The following ROBO2 variants were observed in gnomAD, a reference collection of about 807,000 sequenced individuals.
The protein encoded by ROBO2 is roundabout guidance receptor 2.
A neutral mutation model predicts 160.8 loss-of-function variants in ROBO2; 53 were observed. That is an observed-to-expected ratio of 0.33 (90% CI 0.26 to 0.41). The LOEUF is 0.41. Ranked by LOEUF, ROBO2 falls within the 10% of genes least tolerant of loss-of-function variation. The pLI, the probability that ROBO2 is intolerant of heterozygous loss-of-function variation, is 1.00. For synonymous variants in ROBO2, 664 were observed against 611.7 expected (o/e 1.09, Z -1.26); for missense variants, 1,577 against 1,722.4 (o/e 0.92, Z 1.49).
intron 2 of ROBO2, among the ~76,000 whole-genome samples, chr3:77,188,420 T>A (rs926354978): frequency 1.3e-5 from 2 of 151,760 alleles, no homozygotes; most frequent in African/African-American, 4.8e-5. Flanking sequence ...TGGAAAAAAA[T>A]TCTGACACCT....
At chr3:76,312,071 CA>C (rs2071626466) in intron 2 of ROBO2, among the ~76,000 whole-genome samples, 1 of 152,092 alleles carries the variant, frequency 6.6e-6, no homozygotes, top group Non-Finnish European at 1.5e-5. Context: ...CCCCGAATGC[CA>C]TTTGTTTATA....
intron 2 of ROBO2, among the ~76,000 whole-genome samples, chr3:77,438,070 C>G (rs1427855422): frequency 6.6e-6 from 1 of 151,898 alleles, no homozygotes. Flanking sequence ...CTTTCCCCTT[C>G]TCTTTGGCAT....
chr3:77,579,985 C>T (rs766731510), exon 16 of ROBO2: 11 of 1,613,780 alleles, frequency 6.8e-6, no homozygotes, highest in Non-Finnish European at 9.3e-6. Context: ...TCCATATCAA[C>T]AAAACTGTGG....
At chr3:77,488,661 A>AT (rs912254659) in intron 4 of ROBO2, among the ~76,000 whole-genome samples, 6 of 151,934 alleles carry the variant, frequency 3.9e-5, no homozygotes, top group Admixed American at 2.6e-4. Flanking sequence ...CTAGCTTTTC[A>AT]TTTTTTTGGA....
At chr3:77,276,726 A>G (rs2059852543) in intron 2 of ROBO2, among the ~76,000 whole-genome samples, 1 of 152,200 alleles carries the variant, frequency 6.6e-6, no homozygotes, top group Non-Finnish European at 1.5e-5. Context: ...CACGTGGCTA[A>G]TAAAAACATA....
At chr3:76,806,410 G>C (rs749018685) in intron 2 of ROBO2, among the ~76,000 whole-genome samples, 1 of 151,926 alleles carries the variant, frequency 6.6e-6, no homozygotes, top group Non-Finnish European at 1.5e-5. Flanking sequence ...CAGTGAGGTA[G>C]ATTGTATGAC....
intron 2 of ROBO2, among the ~76,000 whole-genome samples, chr3:77,288,768 C>T (rs189236950): frequency 2.6e-4 from 40 of 152,056 alleles, no homozygotes; most frequent in Admixed American, 2.2e-3. Context: ...AAAAAGGAGA[C>T]GAGACCCTAC....
chr3:77,324,760 C>A (rs971174105), intron 2 of ROBO2, among the ~76,000 whole-genome samples: 1 of 134,164 alleles, frequency 7.5e-6, no homozygotes, highest in Non-Finnish European at 1.5e-5. Context: ...CCAGCCTAGG[C>A]GACAGAGAGA....
chr3:75,990,315 A>T (rs2065531055), intron 2 of ROBO2, among the ~76,000 whole-genome samples: 2 of 152,188 alleles, frequency 1.3e-5, no homozygotes, highest in Non-Finnish European at 2.9e-5. Context: ...GTTAGACTTC[A>T]TAGGGGAAAG....
chr3:77,502,542 T>G (rs1001433333), intron 5 of ROBO2, among the ~76,000 whole-genome samples: 1 of 152,180 alleles, frequency 6.6e-6, no homozygotes, highest in African/African-American at 2.4e-5. Context: ...ATAATTTCAC[T>G]GGAAACATAT....
chr3:77,493,320 C>T, exon 5 of ROBO2: 1 of 1,613,668 alleles, frequency 6.2e-7, no homozygotes, highest in Non-Finnish European at 8.5e-7. Context: ...GTTGTCAAGT[C>T]CAAGGAGATC....
intron 2 of ROBO2, among the ~76,000 whole-genome samples, chr3:76,860,718 C>T (rs984029167): frequency 1.3e-5 from 2 of 152,076 alleles, no homozygotes; most frequent in Non-Finnish European, 2.9e-5. Context: ...CATCTACTGA[C>T]CTCTTTACTA....
intron 2 of ROBO2, among the ~76,000 whole-genome samples, chr3:76,864,824 TTCCA>T (rs1577113416): frequency 6.6e-6 from 1 of 152,124 alleles, no homozygotes; most frequent in East Asian, 1.9e-4. Context: ...ACAAACTATT[TTCCA>T]TCTAAGCTGT....
intron 2 of ROBO2, among the ~76,000 whole-genome samples, chr3:75,972,633 A>G (rs1047012294): frequency 1.8e-4 from 27 of 151,664 alleles, no homozygotes; most frequent in African/African-American, 6.5e-4. Flanking sequence ...TTGAATTCAA[A>G]TCATGTAGAT....
rs374759394 is a variant in ROBO2, at chr3:76,802,123, T to C, written c.110-295891T>C. 9.9e-5 allele frequency among the ~76,000 whole-genome samples: 15 copies of C among 152,236 alleles called. No homozygotes were observed. The East Asian group carries it at 2.5e-3, about 26-fold the overall frequency. ...AAACGAATACTAATACATTTTTGCA[T>C]ATTGTGGGAATTATCAAAATATGAC... is the stretch of plus-strand genomic sequence containing the variant. On this transcript the variant is annotated intron_variant, in intron 2 of 26. Coordinates refer to the ROBO2 transcript ENST00000487694.
At chr3:76,319,157 G>A (rs914671459) in intron 2 of ROBO2, among the ~76,000 whole-genome samples, 8 of 152,144 alleles carry the variant, frequency 5.3e-5, no homozygotes, top group African/African-American at 1.9e-4. Flanking sequence ...CATCAGTCCT[G>A]AGGATCACCT....
At chr3:76,589,108 G>T (rs1004693353) in intron 2 of ROBO2, among the ~76,000 whole-genome samples, 1 of 152,088 alleles carries the variant, frequency 6.6e-6, no homozygotes, top group African/African-American at 2.4e-5. Flanking sequence ...ATCTTAGGTG[G>T]TCTCAACACA....
chr3:76,954,478 C>T (rs372561665), intron 2 of ROBO2, among the ~76,000 whole-genome samples: 3 of 152,140 alleles, frequency 2.0e-5, no homozygotes, highest in East Asian at 1.9e-4. Context: ...ATATATTTCT[C>T]GCATTACTTC....
intron 2 of ROBO2, among the ~76,000 whole-genome samples, chr3:76,488,928 T>G (rs569174128): frequency 6.6e-6 from 1 of 152,136 alleles, no homozygotes; most frequent in African/African-American, 2.4e-5. Flanking sequence ...GTGCAGTTCT[T>G]ACTTTTCTTC....
Sources: allele counts gnomAD v4.1 joint callset (sites outside exome capture counted in the v4.1 genomes callset), GRCh38; gene constraint gnomAD v4.1.1; transcripts MANE v1.5; gene names NCBI Gene and HGNC (gene_info 2026-07-23, HGNC 2026-07-21).